ANKRD36B: variants seen among roughly 807,000 people sequenced by gnomAD.
The protein encoded by ANKRD36B is ankyrin repeat domain-containing protein 36B.
ANKRD36B carries 37 observed loss-of-function variants against 135.7 expected under a neutral mutation model. The observed-to-expected ratio is 0.27, with a 90% CI of 0.21 to 0.36. The LOEUF (loss-of-function observed/expected upper bound fraction) is 0.36, where lower values mean the gene tolerates loss of function less well. Among genes scored for constraint, ANKRD36B ranks in the 10% least tolerant of loss-of-function variants. The pLI, the probability that ANKRD36B is intolerant of heterozygous loss-of-function variation, is 1.00. For synonymous variants in ANKRD36B, 179 were observed against 348.1 expected (o/e 0.51, Z 5.41); for missense variants, 549 against 1,037.1 (o/e 0.53, Z 6.46).
At chr2:97,528,517 T>C (rs1475440149) in intron 35 of ANKRD36B, among the ~76,000 whole-genome samples, 1 of 90,818 alleles carries the variant, frequency 1.1e-5, no homozygotes, top group African/African-American at 3.3e-5. Context: ...AGCAAACACA[T>C]TCAAAAGCTA....
rs2079847649 is a variant in ANKRD36B, at chr2:97,549,607, A to C, written c.1383T>G (p.Ser461=). ...TTACCTTCAAGGCTGGTGGTTTCTGAGAAGACACTGAAAAGCAAAAGGGAT... is the reference window on the plus strand; with the variant it reads ...TTACCTTCAAGGCTGGTGGTTTCTGCGAAGACACTGAAAAGCAAAAGGGAT... ...KDGEISRTVS[S]QKPPALKATS... is the part of the protein sequence containing the mutation. Residue 461 remains serine (S), a synonymous_variant, in exon 19 of 44, where the codon TCT becomes TCG. Transcript: ENST00000359901. 5.0e-6 allele frequency: 8 copies of C among 1,608,624 alleles called. No individual in the cohort carries two copies. The highest frequency in any genetic ancestry group is 6.8e-6 in the Non-Finnish European group (8 of 1,177,930).
chr2:97,579,220 A>C (rs2104243905), intron 4 of ANKRD36B, among the ~76,000 whole-genome samples, 177 bp from the exon 5 acceptor site: 1 of 149,198 alleles, frequency 6.7e-6, no homozygotes, highest in East Asian at 1.9e-4. Flanking sequence ...AAAGGTTAAA[A>C]GCAAGGAACA....
At chr2:97,552,226 A>T (rs1477686032) in intron 16 of ANKRD36B, among the ~76,000 whole-genome samples, 2 of 152,016 alleles carry the variant, frequency 1.3e-5, no homozygotes, top group Non-Finnish European at 2.9e-5. Flanking sequence ...TGCTACAAGC[A>T]TTAGATATTA....
At position 97,537,160 on chromosome 2, in the gene ANKRD36B, C is replaced by A. The variant is rs1232987665; in HGVS notation, c.2090-664G>T. On this transcript the variant is annotated intron_variant, in intron 32 of 43. Transcript: ENST00000359901. ...CTTCATCCACTAATGGCAAGAAGGT[C>A]TAATATATAAACCCCATCGAAAAGT... is the stretch of plus-strand genomic sequence containing the variant. Among the ~76,000 whole-genome samples the A allele has an allele frequency of 1.6e-4, 15 of 95,972 alleles. 4 individuals carry two copies. The highest frequency in any genetic ancestry group is 9.3e-4 in the East Asian group (4 of 4,314). 63.0% of individuals were successfully genotyped at this position (95,972 alleles called of 152,430 possible). A position where few individuals can be genotyped will look rare whatever the true frequency, so the allele number is the denominator to read the frequency against.
intron 1 of ANKRD36B, among the ~76,000 whole-genome samples, chr2:97,587,940 T>G (rs982388365): frequency 6.6e-6 from 1 of 151,968 alleles, no homozygotes. Context: ...TAAATGAGAG[T>G]TCTTGTTTAT....
chr2:97,549,119 T>G (rs570058190), intron 20 of ANKRD36B, among the ~76,000 whole-genome samples: 25 of 152,032 alleles, frequency 1.6e-4, no homozygotes, highest in African/African-American at 2.9e-4. Flanking sequence ...AAACAAGCTG[T>G]AGAATTAAAG....
In ANKRD36B at chr2:97,532,761, C is replaced by A. The variant is rs1386081081; in HGVS notation, c.2192-377G>T. 2.1e-5 allele frequency among the ~76,000 whole-genome samples: 2 copies of A among 93,222 alleles called. 1 individual carries two copies. Among genetic ancestry groups the A allele is most frequent in the Non-Finnish European group, 5.7e-5 (2 of 35,330 alleles). The allele number at this position is 93,222 out of a possible 152,430, so 61.2% of individuals were successfully genotyped here. ...AAAAAAGCCATATTCTTTCTAAAAC[C>A]AGAAAATAAAAGTGTTTCAACGAAG... On this transcript the variant is annotated intron_variant, in intron 34 of 43. Transcript: ENST00000359901.
At chr2:97,549,840 C>G (rs1479324333) in intron 18 of ANKRD36B, among the ~76,000 whole-genome samples, 1 of 151,966 alleles carries the variant, frequency 6.6e-6, no homozygotes, top group Non-Finnish European at 1.5e-5. Flanking sequence ...GGTATGATTT[C>G]TCATATGTCA....
At chr2:97,494,596 G>A (rs1464220179) in intron 43 of ANKRD36B, among the ~76,000 whole-genome samples, 4 of 106,318 alleles carry the variant, frequency 3.8e-5, no homozygotes, top group South Asian at 4.4e-4. Flanking sequence ...ATCAAATCTC[G>A]ACACAATATT....
intron 1 of ANKRD36B, 81 bp downstream of exon 1, chr2:97,589,444 C>T (rs1331513136): frequency 1.6e-6 from 2 of 1,259,080 alleles, no homozygotes; most frequent in Non-Finnish European, 2.1e-6. Context: ...ACCATCCGCC[C>T]CGCAGCCCTC....
At chr2:97,550,277 C>A (rs1212332485) in intron 18 of ANKRD36B, among the ~76,000 whole-genome samples, 2 of 147,852 alleles carry the variant, frequency 1.4e-5, no homozygotes, top group Non-Finnish European at 3.0e-5. Flanking sequence ...AGTCGTGGCA[C>A]CAAAGGATAA....
Position 97,589,700 on chromosome 2 carries a change from T to C in ANKRD36B, c.-15A>G. The stretch of plus-strand genomic sequence containing the variant: ...AAGCGCTCCATGAGGGTGGGCCACC[T>C]CTCCCGCTCGTCGTCTTCCTTAATC... On this transcript the variant is annotated 5_prime_UTR_variant, in exon 1 of 44. Coordinates refer to ENST00000359901, the MANE Select transcript of ANKRD36B (RefSeq NM_001393939.1). 1.2e-6 allele frequency: 2 copies of C among 1,613,992 alleles called. No individual in the cohort carries two copies. The highest frequency in any genetic ancestry group is 8.5e-7 in the Non-Finnish European group (1 of 1,179,978).
intron 12 of ANKRD36B, among the ~76,000 whole-genome samples, chr2:97,555,669 T>C (rs1044817860): frequency 1.2e-4 from 18 of 151,960 alleles, no homozygotes; most frequent in Non-Finnish European, 2.2e-4. Flanking sequence ...CAAACATTCA[T>C]CATGCTCTTT....
Position 97,585,366 on chromosome 2 carries a change from T to A in ANKRD36B, c.194A>T (p.Gln65Leu), listed in dbSNP as rs1336164011. 1 of 1,571,422 alleles carries A rather than the reference T, an allele frequency of 6.4e-7. No homozygotes were observed. The highest frequency in any genetic ancestry group is 8.6e-7 in the Non-Finnish European group (1 of 1,156,686). Residue 65 changes from glutamine to leucine, a missense_variant, in exon 2 of 44, where the codon CAA becomes CTA. Transcript: ENST00000359901. ...TALHLACATG[Q>L]PEMVHLLVSR... is the part of the protein sequence containing the mutation. ...CACCAGGAGATGTACCATTTCCGGT[T>A]GGCCAGTGGCACAGGCCAAATGTAG...
At position 97,544,400 on chromosome 2, in the gene ANKRD36B, A is replaced by G. The variant is rs1211144315; in HGVS notation, c.1682-415T>C. ...GGATTTACACCATTATAGTACAAAC[A>G]TTCATCATGCTCTTTAACTTGCCCA... On this transcript the variant is annotated intron_variant, in intron 24 of 43. Coordinates refer to ENST00000359901, the MANE Select transcript of ANKRD36B (RefSeq NM_001393939.1). Among the ~76,000 whole-genome samples, 2 of 95,034 alleles carry G rather than the reference A, an allele frequency of 2.1e-5. 1 individual carries two copies. Among genetic ancestry groups the G allele is most frequent in the Non-Finnish European group, 5.6e-5 (2 of 35,546 alleles). 62.3% of individuals were successfully genotyped at this position (95,034 alleles called of 152,430 possible). A position where few individuals can be genotyped will look rare whatever the true frequency, so the allele number is the denominator to read the frequency against.
intron 1 of ANKRD36B, among the ~76,000 whole-genome samples, chr2:97,587,373 G>A (rs1162140044): frequency 1.3e-5 from 2 of 152,102 alleles, no homozygotes; most frequent in African/African-American, 4.8e-5. Context: ...AAGAAGAAAT[G>A]TTATATTTTG....
At chr2:97,579,418 T>C (rs891865064) in intron 4 of ANKRD36B, among the ~76,000 whole-genome samples, 2 of 145,412 alleles carry the variant, frequency 1.4e-5, no homozygotes, top group African/African-American at 5.0e-5. Context: ...AGATAAGAGC[T>C]ATCTGCAGGC....
At chr2:97,583,853 C>A (rs1315875023) in intron 3 of ANKRD36B, among the ~76,000 whole-genome samples, 1 of 150,294 alleles carries the variant, frequency 6.7e-6, no homozygotes, top group Non-Finnish European at 1.5e-5. Flanking sequence ...ACAATTCTAA[C>A]TGCGAACCAG....
intron 35 of ANKRD36B, among the ~76,000 whole-genome samples, chr2:97,526,947 C>T (rs1326901426): frequency 1.0e-5 from 1 of 96,372 alleles, no homozygotes; most frequent in Non-Finnish European, 2.8e-5. Context: ...CTGAAAGTCA[C>T]GGGGAGAATG....
Sources: gnomAD v4.1 joint callset for allele counts (sites outside exome capture counted in the v4.1 genomes callset) on GRCh38, gnomAD v4.1.1 for gene constraint, MANE v1.5 for transcripts, NCBI Gene and HGNC (gene_info 2026-07-23, HGNC 2026-07-21) for gene names.